Variants in EXT1 observed in about 807,000 individuals in gnomAD.
EXT1 encodes exostosin-1.
A neutral mutation model predicts 82.5 loss-of-function variants in EXT1; 20 were observed. That is an observed-to-expected ratio of 0.24 (90% CI 0.17 to 0.35). The LOEUF is 0.35. Ranked by LOEUF, EXT1 falls within the 10% of genes least tolerant of loss-of-function variation. EXT1 has a pLI of 1.00. For synonymous variants in EXT1, 348 were observed against 350.8 expected, an observed-to-expected ratio of 0.99 and a Z score of 0.09; for missense variants, 757 against 936.5, an observed-to-expected ratio of 0.81 and a Z score of 2.50.
rs941192955 is a variant in EXT1 at position 117,797,563 on chromosome 8, T to G, written c.*2149A>C. ...ATTGAACAAAATATCGCATTTATTT[T>G]TTGGTAAAGGAGAAACAAGAATAAT... On this transcript the variant is annotated 3_prime_UTR_variant, in exon 11 of 11. Coordinates refer to ENST00000378204, the MANE Select transcript of EXT1 (RefSeq NM_000127.3). 9.8e-5 allele frequency: 15 copies of G among 152,308 alleles called. No individual in the cohort carries two copies. The highest frequency in any genetic ancestry group is 1.8e-4 in the Non-Finnish European group (12 of 68,028). 9.4% of individuals were successfully genotyped at this position (152,308 alleles called of 1,614,324 possible).
intron 1 of EXT1, among the ~76,000 whole-genome samples, chr8:118,080,961 G>T (rs1177432051): frequency 1.3e-5 from 2 of 152,106 alleles, no homozygotes; most frequent in Non-Finnish European, 2.9e-5. Flanking sequence ...TCTTTTGGAG[G>T]GCTAGGGGGG....
chr8:117,921,080 G>A (rs1235894539), intron 1 of EXT1, among the ~76,000 whole-genome samples: 1 of 152,128 alleles, frequency 6.6e-6, no homozygotes, highest in African/African-American at 2.4e-5. Flanking sequence ...TCCTTTCTCT[G>A]TTTCAAAAAT....
intron 1 of EXT1, among the ~76,000 whole-genome samples, chr8:117,952,850 A>G (rs566441445): frequency 1.3e-5 from 2 of 152,310 alleles, no homozygotes; most frequent in South Asian, 2.1e-4. Flanking sequence ...GAGGTAAGCC[A>G]TGGAAAATGG....
intron 1 of EXT1, among the ~76,000 whole-genome samples, chr8:117,847,547 TCTC>T (rs1266978771): frequency 6.6e-6 from 1 of 152,188 alleles, no homozygotes; most frequent in African/African-American, 2.4e-5. Flanking sequence ...AACTGAACCT[TCTC>T]CTGGCCTTCC....
chr8:118,071,012 C>G (rs1198162720), intron 1 of EXT1, among the ~76,000 whole-genome samples: 7 of 152,142 alleles, frequency 4.6e-5, no homozygotes, highest in African/African-American at 1.7e-4. Flanking sequence ...TTTGAAGTAG[C>G]TTTTATGAAC....
At position 118,111,029 on chromosome 8, in the gene EXT1, G is replaced by C. The variant is rs1199624139; in HGVS notation, c.18C>G (p.Arg6=). ...AGCCAGCTGAGAGCAGGATGAAATA[G>C]CGTTTTTTGGCCTGCATGTGTCCTG... The part of the protein sequence containing the change: MQAKK[R]YFILLSAGSC... The change falls in exon 1 of 11, where the codon CGC becomes CGG. Residue 6 remains arginine (R), a synonymous_variant. Coordinates refer to ENST00000378204, the MANE Select transcript of EXT1 (RefSeq NM_000127.3). The C allele has an allele frequency of 6.3e-7, 1 of 1,598,514 alleles. No individual in the cohort carries two copies. Among genetic ancestry groups the C allele is most frequent in the African/African-American group, 1.3e-5 (1 of 74,954 alleles).
intron 10 of EXT1, among the ~76,000 whole-genome samples, chr8:117,801,213 T>C (rs1823161741): frequency 6.6e-6 from 1 of 152,218 alleles, no homozygotes; most frequent in African/African-American, 2.4e-5. Flanking sequence ...ATTTGTAAAG[T>C]GTTTTCATGG....
chr8:117,812,193 C>G (rs1823336977), intron 8 of EXT1, among the ~76,000 whole-genome samples: 1 of 152,174 alleles, frequency 6.6e-6, no homozygotes, highest in Non-Finnish European at 1.5e-5. Context: ...TGGTCCTCTG[C>G]ATGGTTTAAA....
At chr8:117,875,656 G>A (rs561319178) in intron 1 of EXT1, among the ~76,000 whole-genome samples, 158 of 152,040 alleles carry the variant, frequency 1.0e-3, no homozygotes, top group Non-Finnish European at 4.9e-4. Context: ...AGATTTCCAC[G>A]GTATTCAAGT....
intron 1 of EXT1, among the ~76,000 whole-genome samples, chr8:117,874,942 C>G (rs964153855): frequency 6.6e-6 from 1 of 152,114 alleles, no homozygotes; most frequent in African/African-American, 2.4e-5. Flanking sequence ...CTCCTTTCTA[C>G]ACATATAAGG....
intron 1 of EXT1, among the ~76,000 whole-genome samples, chr8:117,943,952 C>T (rs887933307): frequency 2.6e-5 from 4 of 152,196 alleles, no homozygotes; most frequent in Non-Finnish European, 4.4e-5. Flanking sequence ...CCTCCCACCC[C>T]CTCTGTATGC....
intron 1 of EXT1, among the ~76,000 whole-genome samples, chr8:118,104,653 A>AT (rs1263290028): frequency 6.6e-6 from 1 of 152,160 alleles, no homozygotes; most frequent in Non-Finnish European, 1.5e-5. Flanking sequence ...CAAATTTTGG[A>AT]TTTTTTTAGA....
intron 1 of EXT1, among the ~76,000 whole-genome samples, chr8:118,009,802 C>T (rs1815857022): frequency 6.6e-6 from 1 of 152,162 alleles, no homozygotes; most frequent in African/African-American, 2.4e-5. Flanking sequence ...CATCCTGAAA[C>T]CATCCCCACA....
At chr8:117,893,119 G>A (rs974630006) in intron 1 of EXT1, among the ~76,000 whole-genome samples, 6 of 152,244 alleles carry the variant, frequency 3.9e-5, no homozygotes, top group Admixed American at 1.3e-4. Flanking sequence ...CGTGTGCACA[G>A]AAGGCAAGAA....
chr8:118,059,876 C>T (rs1417602341), intron 1 of EXT1, among the ~76,000 whole-genome samples: 1 of 152,196 alleles, frequency 6.6e-6, no homozygotes, highest in Non-Finnish European at 1.5e-5. Context: ...TGCATAGCCT[C>T]TGCGTATACT....
intron 1 of EXT1, among the ~76,000 whole-genome samples, chr8:118,050,775 A>C (rs1007868188): frequency 6.6e-6 from 1 of 151,994 alleles, no homozygotes; most frequent in Non-Finnish European, 1.5e-5. Flanking sequence ...TAGCCCACAG[A>C]CTCTAATTTG....
At chr8:118,025,729 G>C (rs1816190512) in intron 1 of EXT1, among the ~76,000 whole-genome samples, 1 of 152,074 alleles carries the variant, frequency 6.6e-6, no homozygotes, top group Non-Finnish European at 1.5e-5. Flanking sequence ...TGTGATGAAG[G>C]AGTCTTGTTT....
At chr8:117,952,109 A>G (rs11562738) in intron 1 of EXT1, among the ~76,000 whole-genome samples, 10,402 of 152,258 alleles carry the variant, frequency 0.068, 846 homozygotes, top group African/African-American at 0.2. Flanking sequence ...ATAAAAACAC[A>G]GCTCCTAGTG....
intron 1 of EXT1, among the ~76,000 whole-genome samples, chr8:117,846,576 G>C (rs1396522420): frequency 6.6e-6 from 1 of 152,196 alleles, no homozygotes; most frequent in Admixed American, 6.5e-5. Flanking sequence ...AGGGGGAAAA[G>C]AGGGGATTAA....
Sources: gnomAD v4.1 joint callset for allele counts (sites outside exome capture counted in the v4.1 genomes callset) on GRCh38, gnomAD v4.1.1 for gene constraint, MANE v1.5 for transcripts, NCBI Gene and HGNC (gene_info 2026-07-23, HGNC 2026-07-21) for gene names.